AXDND1: variants seen among roughly 807,000 people sequenced by gnomAD.
AXDND1 encodes the protein axonemal dynein light chain domain-containing protein 1.
Under a neutral mutation model 137.5 loss-of-function variants are expected in AXDND1, and 110 were observed. The observed-to-expected ratio is 0.80, with a 90% CI of 0.69 to 0.94. The LOEUF (loss-of-function observed/expected upper bound fraction) is 0.94. Among genes scored for constraint, AXDND1 ranks in the 40% least tolerant of loss-of-function variants. The pLI, the probability that AXDND1 is intolerant of heterozygous loss-of-function variation, is 0.00. For synonymous variants in AXDND1, 414 were observed against 399.7 expected, an observed-to-expected ratio of 1.04 and a Z score of -0.43; for missense variants, 1,191 against 1,169.8, an observed-to-expected ratio of 1.02 and a Z score of -0.26.
intron 16 of AXDND1, among the ~76,000 whole-genome samples, chr1:179,447,340 C>T (rs1480047543): frequency 6.6e-6 from 1 of 152,212 alleles, no homozygotes; most frequent in East Asian, 1.9e-4. Flanking sequence ...TGGCTTATTT[C>T]ATTTAACACA....
intron 6 of AXDND1, 79 bp from the exon 7 acceptor site, chr1:179,382,621 C>A: frequency 1.0e-6 from 1 of 985,680 alleles, no homozygotes. Context: ...AACCAAGATT[C>A]TGGGGGTTAG....
chr1:179,468,656 G>T lies in AXDND1; in HGVS notation c.1997+15G>T. 1 of 1,567,720 alleles carries T rather than the reference G, an allele frequency of 6.4e-7. No individual in the cohort carries two copies. ...GATTCTGTTTCGTAAGTTCCCATAG[G>T]TTTCTTTTGTTCTGAGATAATTTTC... On this transcript the variant is annotated intron_variant, in intron 17 of 25. Transcript: ENST00000367618.
intron 23 of AXDND1, among the ~76,000 whole-genome samples, chr1:179,529,909 G>A (rs1404937688): frequency 2.0e-5 from 3 of 152,150 alleles, no homozygotes; most frequent in Non-Finnish European, 4.4e-5. Context: ...TCCCAAAGTG[G>A]TGCCTTGGGA....
chr1:179,499,427 T>C (rs1198383297), intron 20 of AXDND1, among the ~76,000 whole-genome samples: 1 of 152,060 alleles, frequency 6.6e-6, no homozygotes, highest in Non-Finnish European at 1.5e-5. Flanking sequence ...ATGCCCAGAA[T>C]AGGCAAATCT....
chr1:179,424,352 C>T (rs1051706865), intron 12 of AXDND1, among the ~76,000 whole-genome samples: 2 of 151,266 alleles, frequency 1.3e-5, no homozygotes, highest in African/African-American at 4.9e-5. Flanking sequence ...TTGTTTGGGT[C>T]ACATCTGTTT....
chr1:179,385,564 A>G (rs1301241197), intron 9 of AXDND1, among the ~76,000 whole-genome samples: 1 of 152,146 alleles, frequency 6.6e-6, no homozygotes, highest in African/African-American at 2.4e-5. Context: ...ATCTTGGGTG[A>G]GATACAGTGA....
At chr1:179,368,305 T>C (rs1667673608) in intron 2 of AXDND1, among the ~76,000 whole-genome samples, 1 of 152,220 alleles carries the variant, frequency 6.6e-6, no homozygotes, top group African/African-American at 2.4e-5. Context: ...CCCAGTTCCA[T>C]CTTTACTTTT....
chr1:179,393,162 T>C (rs1650461316), intron 9 of AXDND1, among the ~76,000 whole-genome samples: 1 of 152,160 alleles, frequency 6.6e-6, no homozygotes, highest in African/African-American at 2.4e-5. Context: ...GAGATGAGGA[T>C]CCAGTTTCAT....
At chr1:179,506,626 A>T (rs1437161802) in intron 20 of AXDND1, among the ~76,000 whole-genome samples, 1 of 152,152 alleles carries the variant, frequency 6.6e-6, no homozygotes, top group Non-Finnish European at 1.5e-5. Context: ...GCTACTCAGG[A>T]GGCTAAGGTA....
Position 179,492,850 on chromosome 1 carries a change from TG to T in AXDND1, c.2292-4del. On this transcript the variant is annotated splice_polypyrimidine_tract_variant and splice_region_variant and intron_variant, in intron 19 of 25. Coordinates refer to ENST00000367618, the MANE Select transcript of AXDND1 (RefSeq NM_144696.6). The stretch of plus-strand genomic sequence containing the variant: ...TTCTTTTTCTTTTTTTCCCCCTTTT[TG>T]CAGTTGTTGCAAAGGGATGGTAACA... 6.3e-7 allele frequency: 1 copy of T among 1,582,558 alleles called. No individual in the cohort carries two copies.
intron 23 of AXDND1, among the ~76,000 whole-genome samples, chr1:179,531,866 C>T (rs907955367): frequency 6.6e-6 from 1 of 152,152 alleles, no homozygotes; most frequent in African/African-American, 2.4e-5. Flanking sequence ...TAGGCACAAG[C>T]AAGGAGGGTC....
At chr1:179,382,322 C>T (rs1478240747) in intron 6 of AXDND1, among the ~76,000 whole-genome samples, 1 of 152,038 alleles carries the variant, frequency 6.6e-6, no homozygotes, top group East Asian at 1.9e-4. Context: ...CTCAAGTGAT[C>T]TGCCCGCCTC....
intron 22 of AXDND1, among the ~76,000 whole-genome samples, chr1:179,527,656 G>A (rs1031450331): frequency 2.6e-5 from 4 of 151,996 alleles, no homozygotes; most frequent in African/African-American, 9.7e-5. Context: ...TTATGTTAAG[G>A]GCATTTCTCC....
intron 12 of AXDND1, among the ~76,000 whole-genome samples, chr1:179,423,660 A>G (rs1157198424): frequency 6.6e-6 from 1 of 152,080 alleles, no homozygotes; most frequent in African/African-American, 2.4e-5. Context: ...TTTTTTTAAA[A>G]AAAGAGATGA....
chr1:179,526,595 C>G (rs924550783), intron 22 of AXDND1, among the ~76,000 whole-genome samples: 1 of 152,190 alleles, frequency 6.6e-6, no homozygotes, highest in African/African-American at 2.4e-5. Context: ...TATATTTCTT[C>G]TCTGTATATA....
chr1:179,412,033 TAG>T lies in AXDND1; in HGVS notation c.1230+771_1230+772del, dbSNP rs199925596. Reference sequence around the variant, plus strand: ...CTCCTGGCTAATTTTTAATTTTTTGTAGAGATGGGATTTCTCTATGTTGCCCT... The same window carrying T: ...CTCCTGGCTAATTTTTAATTTTTTGTAGATGGGATTTCTCTATGTTGCCCT... On this transcript the variant is annotated intron_variant, in intron 12 of 25. Transcript: ENST00000367618. Among the ~76,000 whole-genome samples, 198 of 152,238 alleles carry T rather than the reference TAG, an allele frequency of 1.3e-3. 5 individuals carry two copies. In the East Asian group the frequency reaches 0.034, roughly 26 times the overall value.
intron 9 of AXDND1, among the ~76,000 whole-genome samples, chr1:179,390,660 CAT>C (rs1650014292): frequency 7.4e-6 from 1 of 135,548 alleles, no homozygotes; most frequent in Admixed American, 7.9e-5. Context: ...TTACGTCTAA[CAT>C]ATGATATTCC....
chr1:179,496,138 A>G (rs1667423509), intron 20 of AXDND1, among the ~76,000 whole-genome samples: 1 of 151,940 alleles, frequency 6.6e-6, no homozygotes, highest in Non-Finnish European at 1.5e-5. Context: ...GAATTTTTGC[A>G]CTGATGTTCA....
At chr1:179,405,065 C>T (rs1652730502) in intron 11 of AXDND1, among the ~76,000 whole-genome samples, 1 of 151,978 alleles carries the variant, frequency 6.6e-6, no homozygotes, top group Admixed American at 6.6e-5. Flanking sequence ...TAATGCTCTC[C>T]CTCCCCTTGC....
Sources: gnomAD v4.1 joint callset for allele counts (sites outside exome capture counted in the v4.1 genomes callset) on GRCh38, gnomAD v4.1.1 for gene constraint, MANE v1.5 for transcripts, NCBI Gene and HGNC (gene_info 2026-07-23, HGNC 2026-07-21) for gene names.